The following NKAIN3 variants were observed in gnomAD, a reference collection of about 807,000 sequenced individuals.
The protein encoded by NKAIN3 is sodium/potassium transporting ATPase interacting 3.
Under a neutral mutation model 30.2 loss-of-function variants are expected in NKAIN3, and 25 were observed. That is an observed-to-expected ratio of 0.83 (90% confidence interval 0.60 to 1.16). NKAIN3 has a LOEUF of 1.16. Ranked by LOEUF, NKAIN3 falls within the 50% of genes most tolerant of loss-of-function variation. The pLI is 0.00. For missense variants in NKAIN3, 225 were observed against 254.1 expected, an observed-to-expected ratio of 0.89 and a Z score of 0.78; for synonymous variants, 91 against 89.6, an observed-to-expected ratio of 1.02 and a Z score of -0.09.
At chr8:62,879,852 C>G (rs1820921009) in intron 4 of NKAIN3, among the ~76,000 whole-genome samples, 1 of 152,184 alleles carries the variant, frequency 6.6e-6, no homozygotes, top group Non-Finnish European at 1.5e-5. Context: ...GACTCAGAAT[C>G]TGACTCCCAC....
intron 1 of NKAIN3, among the ~76,000 whole-genome samples, chr8:62,468,759 A>C (rs981243304): frequency 3.3e-5 from 5 of 152,126 alleles, no homozygotes; most frequent in African/African-American, 4.8e-5. Flanking sequence ...TTATAATTTG[A>C]GTTCTGCTTA....
intron 3 of NKAIN3, among the ~76,000 whole-genome samples, chr8:62,610,559 T>C (rs957312651): frequency 1.3e-5 from 2 of 152,110 alleles, no homozygotes; most frequent in African/African-American, 4.8e-5. Context: ...AAAGTTTTCT[T>C]ACCAGTAAAA....
intron 1 of NKAIN3, among the ~76,000 whole-genome samples, chr8:62,380,536 G>A (rs1462014442): frequency 6.6e-6 from 1 of 152,156 alleles, no homozygotes; most frequent in Non-Finnish European, 1.5e-5. Flanking sequence ...CCCAGGTACT[G>A]AGCATATATG....
intron 4 of NKAIN3, among the ~76,000 whole-genome samples, chr8:62,765,026 C>T (rs772656901): frequency 6.6e-6 from 1 of 152,018 alleles, no homozygotes; most frequent in Non-Finnish European, 1.5e-5. Context: ...GGGCAGATCA[C>T]GAGGTCAGGA....
chr8:62,603,528 A>G (rs1811041514), intron 3 of NKAIN3, among the ~76,000 whole-genome samples: 1 of 152,228 alleles, frequency 6.6e-6, no homozygotes, highest in African/African-American at 2.4e-5. Flanking sequence ...TTCCATGTAG[A>G]CAGTTGAAGG....
chr8:62,377,803 G>C (rs1817139716), intron 1 of NKAIN3, among the ~76,000 whole-genome samples: 1 of 152,132 alleles, frequency 6.6e-6, no homozygotes, highest in Non-Finnish European at 1.5e-5. Context: ...AGTTTCTTGA[G>C]ACCTTCCCAG....
Position 62,965,826 on chromosome 8 carries a change from A to G in NKAIN3, c.*419A>G, listed in dbSNP as rs1823696338. 4 of 985,100 alleles carry G rather than the reference A, an allele frequency of 4.1e-6. No homozygotes were observed. The highest frequency in any genetic ancestry group is 1.7e-5 in the African/African-American group (1 of 57,222). 61.0% of individuals were successfully genotyped at this position (985,100 alleles called of 1,614,324 possible). A position where few individuals can be genotyped will look rare whatever the true frequency, so the allele number is the denominator to read the frequency against. On this transcript the variant is annotated 3_prime_UTR_variant, in exon 7 of 7. Coordinates refer to ENST00000623646, the MANE Select transcript of NKAIN3 (RefSeq NM_001304533.3). ...GCCTGATGAATTTGTTTTAGCAGAC[A>G]TTACCTGTGGTTATCAGCCACCAAG... is the stretch of plus-strand genomic sequence containing the variant.
At chr8:62,853,870 C>T (rs1418254697) in intron 4 of NKAIN3, among the ~76,000 whole-genome samples, 1 of 152,128 alleles carries the variant, frequency 6.6e-6, no homozygotes, top group Non-Finnish European at 1.5e-5. Context: ...ACTGCTTTAT[C>T]TACATCCCAC....
At chr8:62,857,593 AAC>A (rs1820101822) in intron 4 of NKAIN3, among the ~76,000 whole-genome samples, 1 of 152,150 alleles carries the variant, frequency 6.6e-6, no homozygotes, top group Admixed American at 6.5e-5. Context: ...ATTTCAGAAA[AAC>A]AGTCTTCAAG....
intron 3 of NKAIN3, among the ~76,000 whole-genome samples, chr8:62,629,754 A>T (rs1811897888): frequency 6.6e-6 from 1 of 152,188 alleles, no homozygotes; most frequent in African/African-American, 2.4e-5. Context: ...ATTTTGGGGT[A>T]ACATATGCTT....
At chr8:62,431,170 T>C (rs1265067369) in intron 1 of NKAIN3, among the ~76,000 whole-genome samples, 4 of 151,970 alleles carry the variant, frequency 2.6e-5, no homozygotes, top group African/African-American at 9.6e-5. Flanking sequence ...AAAGATAGTC[T>C]GAATCAAAGA....
At chr8:62,642,013 A>G (rs567291759) in intron 3 of NKAIN3, among the ~76,000 whole-genome samples, 43 of 152,090 alleles carry the variant, frequency 2.8e-4, no homozygotes, top group Non-Finnish European at 5.4e-4. Context: ...CAACCTGCCA[A>G]GAGATATATG....
At chr8:62,254,983 A>C (rs893902258) in intron 1 of NKAIN3, among the ~76,000 whole-genome samples, 1 of 152,206 alleles carries the variant, frequency 6.6e-6, no homozygotes, top group African/African-American at 2.4e-5. Flanking sequence ...TCTGACAGCA[A>C]ACTGCTGAGA....
intron 5 of NKAIN3, among the ~76,000 whole-genome samples, chr8:62,920,729 A>T (rs1033524560): frequency 6.6e-6 from 1 of 152,202 alleles, no homozygotes; most frequent in Non-Finnish European, 1.5e-5. Flanking sequence ...AGGGCCATAC[A>T]TTACATTACC....
At chr8:62,769,805 A>C (rs1259259195) in intron 4 of NKAIN3, among the ~76,000 whole-genome samples, 1 of 152,170 alleles carries the variant, frequency 6.6e-6, no homozygotes, top group Non-Finnish European at 1.5e-5. Flanking sequence ...TGATTCTTCT[A>C]AGCAGTTTGG....
intron 5 of NKAIN3, among the ~76,000 whole-genome samples, chr8:62,926,712 A>G (rs1822458156): frequency 6.6e-6 from 1 of 152,120 alleles, no homozygotes; most frequent in African/African-American, 2.4e-5. Flanking sequence ...TTAAGACTCC[A>G]TCACTGAGAC....
chr8:62,296,140 A>G (rs6989805), intron 1 of NKAIN3, among the ~76,000 whole-genome samples: 9,478 of 152,204 alleles, frequency 0.062, 984 homozygotes, highest in African/African-American at 0.21. Context: ...GTTTGGAGAA[A>G]AGAAGAGTTG....
chr8:62,255,830 C>T (rs768689767), intron 1 of NKAIN3, among the ~76,000 whole-genome samples: 28 of 152,058 alleles, frequency 1.8e-4, no homozygotes, highest in African/African-American at 3.1e-4. Context: ...CAGAATCACC[C>T]GGGGGAGCTT....
chr8:62,718,494 C>G (rs566514172), intron 3 of NKAIN3, among the ~76,000 whole-genome samples: 124 of 152,078 alleles, frequency 8.2e-4, no homozygotes, highest in Non-Finnish European at 1.9e-4. Flanking sequence ...ATTCATGTAT[C>G]TTTTTTCCTT....
Sources: gnomAD v4.1 joint callset for allele counts (sites outside exome capture counted in the v4.1 genomes callset) on GRCh38, gnomAD v4.1.1 for gene constraint, MANE v1.5 for transcripts, NCBI Gene and HGNC (gene_info 2026-07-23, HGNC 2026-07-21) for gene names.